Variants in HERC4 observed in about 807,000 individuals in gnomAD.
HERC4 encodes the protein probable E3 ubiquitin-protein ligase HERC4.
A neutral mutation model predicts 124.3 loss-of-function variants in HERC4; 28 were observed. The observed-to-expected ratio is 0.23, with a 90% CI of 0.17 to 0.31. The LOEUF (loss-of-function observed/expected upper bound fraction) is 0.31, where lower values mean the gene tolerates loss of function less well. HERC4 is among the 10% of genes least tolerant of loss of function. The probability of loss-of-function intolerance (pLI) is 1.00; values close to 1 mark genes in which losing one functional copy is unlikely to be tolerated. For missense variants in HERC4, 713 were observed against 1,229.3 expected (o/e 0.58, Z 6.28); for synonymous variants, 407 against 421.5 (o/e 0.97, Z 0.42).
intron 16 of HERC4, among the ~76,000 whole-genome samples, chr10:67,964,585 C>A (rs529957076): frequency 1.3e-5 from 2 of 152,146 alleles, no homozygotes; most frequent in South Asian, 2.1e-4. Flanking sequence ...CTGTCCCGTT[C>A]CCTACACAGC....
At chr10:68,043,906 T>C (rs1246891049) in intron 4 of HERC4, among the ~76,000 whole-genome samples, 1 of 152,218 alleles carries the variant, frequency 6.6e-6, no homozygotes, top group Non-Finnish European at 1.5e-5. Context: ...AATTGTGAAA[T>C]AATTATATGA....
At chr10:68,048,639 G>A (rs1056888301) in intron 3 of HERC4, among the ~76,000 whole-genome samples, 3 of 152,076 alleles carry the variant, frequency 2.0e-5, no homozygotes, top group South Asian at 2.1e-4. Context: ...AAAAATGAAC[G>A]CTAAACTATG....
intron 23 of HERC4, among the ~76,000 whole-genome samples, chr10:67,927,409 TATATATATATATATATATA>T (rs1564910871): frequency 2.8e-3 from 29 of 10,388 alleles, no homozygotes; most frequent in African/African-American, 3.1e-3. Context: ...TATATATATA[TATATATATATATATATATA>T]TATTTTTTTT....
At chr10:68,010,547 G>T in intron 9 of HERC4, 1 of 999,506 alleles carries the variant, frequency 1.0e-6, no homozygotes, top group East Asian at 2.6e-5. Context: ...GGCGCTGCAG[G>T]AACACATTCT....
intron 3 of HERC4, among the ~76,000 whole-genome samples, chr10:68,059,603 AAT>A (rs558468702): frequency 0.012 from 1,043 of 84,490 alleles, 233 homozygotes; most frequent in African/African-American, 0.063. Flanking sequence ...TATATATCAT[AAT>A]ATTATATATC....
At chr10:67,949,432 A>C in intron 19 of HERC4, among the ~76,000 whole-genome samples, 1 of 152,234 alleles carries the variant, frequency 6.6e-6, no homozygotes, top group African/African-American at 2.4e-5. Flanking sequence ...AAATCATTCT[A>C]TGAGATCATC....
chr10:68,010,518 T>C, intron 9 of HERC4: 1 of 947,050 alleles, frequency 1.1e-6, no homozygotes, highest in Non-Finnish European at 1.7e-6. Flanking sequence ...GTGACTGATC[T>C]GCTGCAGTGT....
intron 9 of HERC4, among the ~76,000 whole-genome samples, chr10:68,000,672 A>C (rs894768498): frequency 1.3e-5 from 2 of 152,160 alleles, no homozygotes; most frequent in African/African-American, 4.8e-5. Flanking sequence ...ATAATTAGTT[A>C]AGGTCATAAT....
At chr10:67,960,674 C>T (rs2034454651) in intron 16 of HERC4, 3 of 164,230 alleles carry the variant, frequency 1.8e-5, no homozygotes, top group South Asian at 3.3e-4. Context: ...TCAGCCACCG[C>T]ACCCAGCCAA....
rs1208881296 is a variant in HERC4, at chr10:68,059,905, T to C, written c.226+12978A>G. Among the ~76,000 whole-genome samples, 2 of 46,244 alleles carry C rather than the reference T, an allele frequency of 4.3e-5. 1 individual carries two copies. Among genetic ancestry groups the C allele is most frequent in the South Asian group, 1.6e-3 (2 of 1,240 alleles). 30.3% of individuals were successfully genotyped at this position (46,244 alleles called of 152,430 possible). A position where few individuals can be genotyped will look rare whatever the true frequency, so the allele number is the denominator to read the frequency against. On this transcript the variant is annotated intron_variant, in intron 3 of 24. Transcript: ENST00000373700. ...TTATATATCATAATATTATATATTA[T>C]ATAATATTATATATCATAATATTAT...
At chr10:67,978,596 T>C (rs768836265) in intron 15 of HERC4, among the ~76,000 whole-genome samples, 1 of 152,178 alleles carries the variant, frequency 6.6e-6, no homozygotes, top group Non-Finnish European at 1.5e-5. Flanking sequence ...ACCTGGTGAT[T>C]GTAGAGCGCC....
intron 19 of HERC4, among the ~76,000 whole-genome samples, 172 bp from the exon 20 acceptor site, chr10:67,941,277 G>T (rs2032862556): frequency 6.6e-6 from 1 of 151,942 alleles, no homozygotes; most frequent in South Asian, 2.1e-4. Flanking sequence ...TAGTATTTTT[G>T]TACATTTCCA....
In HERC4 at chr10:68,075,071, C is replaced by T. The variant is rs80117551; in HGVS notation, c.-109+73G>A. On this transcript the variant is annotated intron_variant, in intron 1 of 24. Transcript: ENST00000373700. ...ACCCTCCTCTGTCAGCCAGTGGCGA[C>T]GATCACCAGGGCACCTCCGGCGTCT... is the stretch of plus-strand genomic sequence containing the variant. 3,245 of 152,990 alleles carry T rather than the reference C, an allele frequency of 0.021. 317 individuals carry two copies. In the East Asian group the frequency reaches 0.31, roughly 15 times the overall value. The allele number at this position is 152,990 out of a possible 1,614,324, so 9.5% of individuals were successfully genotyped here.
chr10:68,063,058 T>C (rs941019496), intron 3 of HERC4, among the ~76,000 whole-genome samples: 15 of 152,170 alleles, frequency 9.9e-5, no homozygotes, highest in African/African-American at 3.1e-4. Context: ...ATACTATCTC[T>C]ACACAGCACT....
intron 5 of HERC4, among the ~76,000 whole-genome samples, chr10:68,035,822 G>A (rs2039432065): frequency 1.3e-5 from 2 of 152,048 alleles, no homozygotes; most frequent in Non-Finnish European, 2.9e-5. Context: ...CTCCCAGCAG[G>A]AGCCTTCCTT....
intron 9 of HERC4, among the ~76,000 whole-genome samples, chr10:67,999,886 ATATATT>A (rs2037123135): frequency 6.6e-6 from 1 of 152,174 alleles, no homozygotes; most frequent in Non-Finnish European, 1.5e-5. Context: ...TTCATTAGTA[ATATATT>A]TATAAAGGTT....
intron 17 of HERC4, chr10:67,955,756 A>T (rs1180958987): frequency 6.6e-6 from 1 of 152,214 alleles, no homozygotes; most frequent in Non-Finnish European, 1.5e-5. Flanking sequence ...GGGCGACAAG[A>T]GCGAAACTCC....
chr10:67,924,487 G>A (rs369657943), intron 24 of HERC4, among the ~76,000 whole-genome samples: 3 of 152,160 alleles, frequency 2.0e-5, no homozygotes, highest in African/African-American at 7.2e-5. Context: ...GTAGGTAACT[G>A]TAACATAACA....
At chr10:68,053,467 T>C (rs1172586302) in intron 3 of HERC4, among the ~76,000 whole-genome samples, 2 of 151,940 alleles carry the variant, frequency 1.3e-5, no homozygotes, top group African/African-American at 2.4e-5. Flanking sequence ...CCACACCCCA[T>C]TAATTTTTTA....
Sources: gnomAD v4.1 joint callset for allele counts (sites outside exome capture counted in the v4.1 genomes callset) on GRCh38, gnomAD v4.1.1 for gene constraint, MANE v1.5 for transcripts, NCBI Gene and HGNC (gene_info 2026-07-23, HGNC 2026-07-21) for gene names.